The following DPH5 variants were observed in gnomAD, a reference collection of about 807,000 sequenced individuals.
The protein encoded by DPH5 is diphthamide biosynthesis 5, also known as diphthine methyl ester synthase.
A neutral mutation model predicts 31.6 loss-of-function variants in DPH5; 31 were observed. The ratio of observed to expected loss-of-function variants is 0.98; its 90% CI spans 0.74 to 1.32. The LOEUF is 1.32. Among genes scored for constraint, DPH5 ranks in the 40% most tolerant of loss-of-function variants. The pLI is 0.00. For synonymous variants in DPH5, 120 were observed against 115.0 expected, an observed-to-expected ratio of 1.04 and a Z score of -0.28; for missense variants, 309 against 335.7, an observed-to-expected ratio of 0.92 and a Z score of 0.62.
chr1:101,024,419 C>T (rs1282902142), intron 2 of DPH5, among the ~76,000 whole-genome samples: 1 of 152,130 alleles, frequency 6.6e-6, no homozygotes, highest in East Asian at 1.9e-4. Context: ...TCTCTCTCTC[C>T]ACATATATGT....
chr1:100,995,396 A>T (rs1658253128), intron 5 of DPH5: 2 of 384,916 alleles, frequency 5.2e-6, no homozygotes, highest in African/African-American at 2.0e-5. Flanking sequence ...GGAAAAGAAG[A>T]CAAGGGAAAG....
chr1:101,022,676 G>A (rs977841797), intron 2 of DPH5, among the ~76,000 whole-genome samples: 1 of 151,728 alleles, frequency 6.6e-6, no homozygotes, highest in African/African-American at 2.4e-5. Context: ...CTTTGAGTGA[G>A]TTATTAAAAT....
chr1:101,024,130 G>A (rs919902913), intron 2 of DPH5, among the ~76,000 whole-genome samples: 2 of 152,148 alleles, frequency 1.3e-5, no homozygotes, highest in Non-Finnish European at 2.9e-5. Flanking sequence ...CCTTAGGCTG[G>A]GTGTGGTTGC....
intron 4 of DPH5, among the ~76,000 whole-genome samples, chr1:101,008,678 A>G (rs1229411617): frequency 6.6e-6 from 1 of 152,174 alleles, no homozygotes; most frequent in Non-Finnish European, 1.5e-5. Context: ...TTACTGCAAT[A>G]CCTTACAGAT....
At chr1:101,003,460 A>C (rs1256650478) in intron 4 of DPH5, among the ~76,000 whole-genome samples, 2 of 152,206 alleles carry the variant, frequency 1.3e-5, no homozygotes, top group Non-Finnish European at 2.9e-5. Flanking sequence ...TGTCTCATAC[A>C]GCAGAGAAAG....
rs986340523 is a variant in DPH5 at position 100,990,103 on chromosome 1, A to G, written c.*305T>C. 2 of 359,894 alleles carry G rather than the reference A, an allele frequency of 5.6e-6. No individual in the cohort carries two copies. The highest frequency in any genetic ancestry group is 4.3e-5 in the Admixed American group (1 of 23,034). 22.3% of individuals were successfully genotyped at this position (359,894 alleles called of 1,614,324 possible). On this transcript the variant is annotated 3_prime_UTR_variant, in exon 8 of 8. Transcript: ENST00000370109. ...TTTAATTTTCGACTCACAGTTCCACATGGCTGGGAAGGCCTCAGGAAACTT... is the reference window on the plus strand; with the variant it reads ...TTTAATTTTCGACTCACAGTTCCACGTGGCTGGGAAGGCCTCAGGAAACTT...
chr1:101,021,421 T>C (rs1660432433), intron 3 of DPH5, among the ~76,000 whole-genome samples: 1 of 152,222 alleles, frequency 6.6e-6, no homozygotes, highest in African/African-American at 2.4e-5. Context: ...TGACACTTGA[T>C]AATGTAGTGA....
chr1:101,016,359 AAAG>A (rs1306531114), intron 3 of DPH5, among the ~76,000 whole-genome samples: 1 of 152,154 alleles, frequency 6.6e-6, no homozygotes, highest in Non-Finnish European at 1.5e-5. Context: ...TTCTCAAAAA[AAAG>A]AACTTTTCCT....
intron 3 of DPH5, among the ~76,000 whole-genome samples, chr1:101,014,879 T>G (rs763986137): frequency 6.6e-6 from 1 of 152,232 alleles, no homozygotes; most frequent in Admixed American, 6.5e-5. Flanking sequence ...CCACTTTCTT[T>G]GCCTGTCCAT....
At chr1:101,020,765 T>G (rs556983964) in intron 3 of DPH5, among the ~76,000 whole-genome samples, 3 of 152,124 alleles carry the variant, frequency 2.0e-5, no homozygotes, top group Non-Finnish European at 4.4e-5. Context: ...CTCCTTTCCT[T>G]TTCCTTATCC....
chr1:100,994,854 G>A (rs1658193569), intron 6 of DPH5, among the ~76,000 whole-genome samples: 1 of 152,086 alleles, frequency 6.6e-6, no homozygotes, highest in African/African-American at 2.4e-5. Flanking sequence ...GAATCCCAAC[G>A]CATTAATTCA....
At chr1:101,024,753 A>G (rs949637897) in intron 2 of DPH5, among the ~76,000 whole-genome samples, 2 of 152,240 alleles carry the variant, frequency 1.3e-5, no homozygotes, top group Non-Finnish European at 2.9e-5. Flanking sequence ...ATACTCATGT[A>G]AGTGTATACT....
chr1:101,024,526 C>T (rs1245686173), intron 2 of DPH5, among the ~76,000 whole-genome samples: 1 of 152,136 alleles, frequency 6.6e-6, no homozygotes, highest in Non-Finnish European at 1.5e-5. Context: ...TTAAAGTAAT[C>T]TGAGGCCTAA....
chr1:101,008,805 T>C (rs1318071765), intron 4 of DPH5, among the ~76,000 whole-genome samples: 1 of 152,232 alleles, frequency 6.6e-6, no homozygotes, highest in Non-Finnish European at 1.5e-5. Flanking sequence ...TTAACCACTT[T>C]ACTGCATTAT....
rs36015164 is a variant in DPH5 at position 101,001,585 on chromosome 1, T to C, written c.372A>G (p.Leu124=). The change falls in exon 5 of 8, where the codon TTA becomes TTG. Residue 124 remains leucine (L), a splice_region_variant and synonymous_variant. Transcript: ENST00000370109. ...MNAVGCCGLQ[L]YKFGETVSIV... is the part of the protein sequence containing the mutation. ...TAGAAACTGTCTCTCCAAACTTATA[T>C]AACTAGAAAAAAAAACATTAATTAA... 608 of 1,563,266 alleles carry C rather than the reference T, an allele frequency of 3.9e-4. 2 individuals carry two copies. The African/African-American group carries it at 8.0e-3, about 20-fold the overall frequency.
rs556451726 is a variant in DPH5, at chr1:101,018,535, G to A, written c.260+3106C>T. 3.3e-5 allele frequency among the ~76,000 whole-genome samples: 5 copies of A among 152,208 alleles called. No homozygotes were observed. The East Asian group carries it at 7.7e-4, about 23-fold the overall frequency. Reference sequence around the variant, plus strand: ...GATTACAAGCATGAGCCACTGCGCCGGCTGGTATGTTTGTTTTAAATTTTA... The same window carrying A: ...GATTACAAGCATGAGCCACTGCGCCAGCTGGTATGTTTGTTTTAAATTTTA... On this transcript the variant is annotated intron_variant, in intron 3 of 7. Transcript: ENST00000370109.
At chr1:101,017,632 C>T (rs953338945) in intron 3 of DPH5, among the ~76,000 whole-genome samples, 4 of 152,198 alleles carry the variant, frequency 2.6e-5, no homozygotes, top group African/African-American at 7.2e-5. Context: ...AAACCACATG[C>T]AAACAAGTAG....
chr1:101,024,457 A>C (rs1044993811), intron 2 of DPH5, among the ~76,000 whole-genome samples: 2 of 152,212 alleles, frequency 1.3e-5, no homozygotes, highest in Non-Finnish European at 1.5e-5. Flanking sequence ...TTTACACACA[A>C]CTTTTATTTA....
At chr1:100,994,667 A>C (rs1416742773) in intron 6 of DPH5, among the ~76,000 whole-genome samples, 1 of 151,968 alleles carries the variant, frequency 6.6e-6, no homozygotes, top group Non-Finnish European at 1.5e-5. Context: ...GCTGAGATTA[A>C]AGGCACGTGC....
Sources: allele counts gnomAD v4.1 joint callset (sites outside exome capture counted in the v4.1 genomes callset), GRCh38; gene constraint gnomAD v4.1.1; transcripts MANE v1.5; gene names NCBI Gene and HGNC (gene_info 2026-07-23, HGNC 2026-07-21).